The following NCKAP5 variants were observed in gnomAD, a reference collection of about 807,000 sequenced individuals.
NCKAP5 encodes the protein NCK associated protein 5, also known as nck-associated protein 5.
NCKAP5 carries 92 observed loss-of-function variants against 167.0 expected under a neutral mutation model. The ratio of observed to expected loss-of-function variants is 0.55; its 90% CI spans 0.47 to 0.66. The LOEUF is 0.66. Ranked by LOEUF, NCKAP5 falls within the 30% of genes least tolerant of loss-of-function variation. NCKAP5 has a pLI of 0.00. For missense variants in NCKAP5, 2,378 were observed against 2,315.0 expected (o/e 1.03, Z -0.56); for synonymous variants, 891 against 877.4 (o/e 1.02, Z -0.27).
intron 8 of NCKAP5, among the ~76,000 whole-genome samples, chr2:132,904,499 G>A (rs1693866619): frequency 6.6e-6 from 1 of 152,016 alleles, no homozygotes; most frequent in African/African-American, 2.4e-5. Context: ...TTTACATCAT[G>A]GAGTATTTTG....
At chr2:133,393,098 G>A (rs757719754) in intron 3 of NCKAP5, among the ~76,000 whole-genome samples, 7 of 152,160 alleles carry the variant, frequency 4.6e-5, no homozygotes, top group Non-Finnish European at 8.8e-5. Flanking sequence ...AAACTAAACA[G>A]CTCTTTTTGG....
intron 8 of NCKAP5, among the ~76,000 whole-genome samples, chr2:132,926,390 TAGTGGAATTGCTGGGTC>T (rs1695893102): frequency 6.6e-6 from 1 of 152,200 alleles, no homozygotes. Context: ...AGATACCCAG[TAGTGGAATTGCTGGGTC>T]AAATGGTAGT....
At chr2:133,508,595 C>T (rs1248868543) in intron 3 of NCKAP5, among the ~76,000 whole-genome samples, 1 of 152,222 alleles carries the variant, frequency 6.6e-6, no homozygotes, top group African/African-American at 2.4e-5. Flanking sequence ...TCAGAGAGAA[C>T]ACCCAGATGC....
the NCKAP5 span, among the ~76,000 whole-genome samples, chr2:133,632,586 C>T: frequency 3.3e-5 from 5 of 152,232 alleles, no homozygotes; most frequent in South Asian, 2.1e-4. Context: ...GTAAGCTGGC[C>T]GTCTCTCAGC....
chr2:133,455,209 C>T (rs1691773978), intron 3 of NCKAP5, among the ~76,000 whole-genome samples: 1 of 152,102 alleles, frequency 6.6e-6, no homozygotes, highest in Non-Finnish European at 1.5e-5. Flanking sequence ...TATAATATCT[C>T]AAAGCCTTGA....
intron 8 of NCKAP5, among the ~76,000 whole-genome samples, chr2:132,895,892 T>C (rs894968233): frequency 6.6e-6 from 1 of 151,804 alleles, no homozygotes; most frequent in Non-Finnish European, 1.5e-5. Flanking sequence ...CCCAGCACTT[T>C]GTAAGGCCGA....
Position 133,314,298 on chromosome 2 carries a change from G to A in NCKAP5, c.70-11188C>T, listed in dbSNP as rs535230057. Among the ~76,000 whole-genome samples, 7 of 152,180 alleles carry A rather than the reference G, an allele frequency of 4.6e-5. No homozygotes were observed. The East Asian group carries it at 5.8e-4, about 13-fold the overall frequency. On this transcript the variant is annotated intron_variant, in intron 3 of 19. Transcript: ENST00000409261. ...TTTCTAGAAACTGGAATTGGGTTAC[G>A]GCATCAAGTAGGGAAAACACATTTG...
intron 5 of NCKAP5, among the ~76,000 whole-genome samples, chr2:133,203,986 A>G (rs757722474): frequency 1.3e-5 from 2 of 152,226 alleles, no homozygotes; most frequent in Non-Finnish European, 2.9e-5. Context: ...GGTTTTATGT[A>G]ACCTTTTGCT....
chr2:132,789,945 C>T, intron 13 of NCKAP5, 78 bp downstream of exon 13: 1 of 1,422,348 alleles, frequency 7.0e-7, no homozygotes. Flanking sequence ...ACCCCTCCCA[C>T]CTGCCCTTCA....
chr2:132,974,614 C>A (rs1031619651), intron 7 of NCKAP5, among the ~76,000 whole-genome samples: 5 of 152,178 alleles, frequency 3.3e-5, no homozygotes, highest in African/African-American at 1.2e-4. Flanking sequence ...TCCACAGACT[C>A]GGTGACCTCT....
At chr2:132,740,180 T>C (rs1370104333) in intron 16 of NCKAP5, among the ~76,000 whole-genome samples, 2 of 152,152 alleles carry the variant, frequency 1.3e-5, no homozygotes, top group African/African-American at 2.4e-5. Context: ...CACACAGCCA[T>C]AAAAGTTTCA....
intron 16 of NCKAP5, among the ~76,000 whole-genome samples, chr2:132,747,179 A>C (rs946461307): frequency 5.9e-5 from 9 of 151,996 alleles, no homozygotes; most frequent in Non-Finnish European, 1.2e-4. Flanking sequence ...GCCAAAAAAA[A>C]AAAACAAAAC....
chr2:132,778,652 G>A lies in NCKAP5; in HGVS notation c.5049+2400C>T, dbSNP rs1333144160. On this transcript the variant is annotated intron_variant, in intron 15 of 19. Coordinates refer to ENST00000409261, the MANE Select transcript of NCKAP5 (RefSeq NM_207363.3). Reference sequence around the variant, plus strand: ...TGTTTTCATCCAAAATAACTTCTATGAAAACAATTCTTTGCAACACAGTTT... The same window carrying A: ...TGTTTTCATCCAAAATAACTTCTATAAAAACAATTCTTTGCAACACAGTTT... Among the ~76,000 whole-genome samples the A allele has an allele frequency of 2.6e-5, 4 of 152,136 alleles. No homozygotes were observed. The East Asian group carries it at 7.7e-4, about 29-fold the overall frequency.
At chr2:133,115,925 A>G (rs1010965036) in intron 6 of NCKAP5, among the ~76,000 whole-genome samples, 2 of 150,840 alleles carry the variant, frequency 1.3e-5, no homozygotes, top group Admixed American at 1.3e-4. Context: ...AACAAGATTG[A>G]AATATTGAAA....
chr2:133,245,701 C>T (rs1242403578), intron 4 of NCKAP5, among the ~76,000 whole-genome samples: 1 of 151,696 alleles, frequency 6.6e-6, no homozygotes, highest in Non-Finnish European at 1.5e-5. Context: ...AACCAGAAAA[C>T]ATAGAGGAAA....
intron 10 of NCKAP5, among the ~76,000 whole-genome samples, chr2:132,862,525 C>T (rs1243894554): frequency 6.6e-6 from 1 of 152,116 alleles, no homozygotes; most frequent in Admixed American, 6.5e-5. Flanking sequence ...TGGCAGAGGC[C>T]ATTGTGAGGA....
chr2:132,791,874 T>C (rs1349785359), intron 12 of NCKAP5, among the ~76,000 whole-genome samples: 1 of 152,198 alleles, frequency 6.6e-6, no homozygotes, highest in Admixed American at 6.5e-5. Flanking sequence ...TAATGCTCAA[T>C]TCCCAGTTCT....
intron 19 of NCKAP5, among the ~76,000 whole-genome samples, chr2:132,718,340 G>A (rs1689569791): frequency 6.6e-6 from 1 of 152,190 alleles, no homozygotes; most frequent in Admixed American, 6.5e-5. Context: ...ACAGATATTG[G>A]AAGAGCGAAA....
chr2:133,110,371 C>T (rs2081866496), intron 6 of NCKAP5, among the ~76,000 whole-genome samples: 1 of 152,152 alleles, frequency 6.6e-6, no homozygotes, highest in Non-Finnish European at 1.5e-5. Context: ...AGAAAGGACA[C>T]TGGCCTGAGA....
Sources: allele counts gnomAD v4.1 joint callset (sites outside exome capture counted in the v4.1 genomes callset), GRCh38; gene constraint gnomAD v4.1.1; transcripts MANE v1.5; gene names NCBI Gene and HGNC (gene_info 2026-07-23, HGNC 2026-07-21).